The following MCM5 variants were observed in gnomAD, a reference collection of about 807,000 sequenced individuals.
The protein encoded by MCM5 is DNA replication licensing factor MCM5.
A neutral mutation model predicts 79.9 loss-of-function variants in MCM5; 46 were observed. The ratio of observed to expected loss-of-function variants is 0.58; its 90% CI spans 0.45 to 0.74. The LOEUF is 0.74. Ranked by LOEUF, MCM5 falls within the 30% of genes least tolerant of loss-of-function variation. The pLI, the probability that MCM5 is intolerant of heterozygous loss-of-function variation, is 0.00. For missense variants in MCM5, 883 were observed against 1,017.0 expected (o/e 0.87, Z 1.79); for synonymous variants, 404 against 390.5 (o/e 1.03, Z -0.41).
the MCM5 span, among the ~76,000 whole-genome samples, chr22:35,435,547 T>A: frequency 6.6e-6 from 1 of 151,856 alleles, no homozygotes; most frequent in Non-Finnish European, 1.5e-5. Flanking sequence ...TCTCGGGGAG[T>A]CTGGCTTATT....
At chr22:35,426,758 C>T (rs548133195), downstream of MCM5, among the ~76,000 whole-genome samples, 20 of 152,284 alleles carry the variant, frequency 1.3e-4, no homozygotes, top group African/African-American at 4.3e-4. Flanking sequence ...TTCCCTGCCT[C>T]ACAGCCTCTG....
intron 2 of MCM5, among the ~76,000 whole-genome samples, chr22:35,402,784 T>C (rs908788364): frequency 2.0e-5 from 3 of 152,170 alleles, no homozygotes; most frequent in African/African-American, 7.2e-5. Context: ...CCTCAAGTAA[T>C]CCACCCTCCT....
chr22:35,428,239 T>G (rs1434555116), downstream of MCM5, among the ~76,000 whole-genome samples: 7 of 151,756 alleles, frequency 4.6e-5, no homozygotes, highest in Admixed American at 4.6e-4. Flanking sequence ...CTAGGCTGGT[T>G]TCAAACTCCT....
At chr22:35,401,800 C>A in intron 2 of MCM5, 1 of 438,996 alleles carries the variant, frequency 2.3e-6, no homozygotes, top group South Asian at 1.6e-5. Flanking sequence ...GTGGTCATTT[C>A]CTCCACAGAG....
In MCM5 at chr22:35,410,728, T is replaced by C. The variant is rs1219232383; in HGVS notation, c.753-16T>C. ...GAATCTCAGCTTTTCTCCTTTCTCC[T>C]CTACCCTCCTCTCAGGTACCTGTGT... On this transcript the variant is annotated splice_polypyrimidine_tract_variant and intron_variant, in intron 6 of 16. Coordinates refer to ENST00000216122, the MANE Select transcript of MCM5 (RefSeq NM_006739.4). 1.2e-6 allele frequency: 2 copies of C among 1,613,106 alleles called. No individual in the cohort carries two copies. The highest frequency in any genetic ancestry group is 1.1e-5 in the South Asian group (1 of 91,034).
downstream of MCM5, among the ~76,000 whole-genome samples, chr22:35,429,421 C>G (rs1387358874): frequency 6.6e-6 from 1 of 152,168 alleles, no homozygotes. Context: ...CACCAAGGGT[C>G]GTCTTCTTAG....
chr22:35,412,491 G>A lies in MCM5; in HGVS notation c.920-19G>A, dbSNP rs201108808. 758 of 1,518,528 alleles carry A rather than the reference G, an allele frequency of 5.0e-4. 6 individuals are homozygous for A. The highest frequency in any genetic ancestry group is 6.9e-4 in the South Asian group (54 of 77,752). The allele number at this position is 1,518,528 out of a possible 1,614,324, so 94.1% of individuals were successfully genotyped here. ...AGAGCTCCCTTGTACTCACTCATGCGCCTGCTTTGCCTACCAAGGCCGCAG... is the reference window on the plus strand; with the variant it reads ...AGAGCTCCCTTGTACTCACTCATGCACCTGCTTTGCCTACCAAGGCCGCAG... On this transcript the variant is annotated intron_variant, in intron 7 of 16. Transcript: ENST00000216122.
chr22:35,424,269 A>T lies in MCM5; in HGVS notation c.*14A>T. On this transcript the variant is annotated 3_prime_UTR_variant, in exon 17 of 17. Coordinates refer to ENST00000216122, the MANE Select transcript of MCM5 (RefSeq NM_006739.4). ...CGCCTCAAGTGAGTCGCGCCGCCTC[A>T]CTGGACTCATGGACTCGCCCACGCC... The T allele has an allele frequency of 1.3e-6, 2 of 1,530,072 alleles. No individual in the cohort carries two copies. Among genetic ancestry groups the T allele is most frequent in the Non-Finnish European group, 8.8e-7 (1 of 1,132,380 alleles). The allele number at this position is 1,530,072 out of a possible 1,614,324, so 94.8% of individuals were successfully genotyped here.
In MCM5 at chr22:35,412,694, G is replaced by T; in HGVS notation, c.1091+13G>T. On this transcript the variant is annotated intron_variant, in intron 8 of 16. Coordinates refer to ENST00000216122, the MANE Select transcript of MCM5 (RefSeq NM_006739.4). ...GCTCCCGAAAGAGGTAGGGGCTTGA[G>T]TTCCCTTGGGTTTGGGGAGGCGGCT... 1 of 1,437,344 alleles carries T rather than the reference G, an allele frequency of 7.0e-7. No homozygotes were observed. The highest frequency in any genetic ancestry group is 1.5e-5 in the African/African-American group (1 of 68,858). The allele number at this position is 1,437,344 out of a possible 1,614,324, so 89.0% of individuals were successfully genotyped here. A position where few individuals can be genotyped will look rare whatever the true frequency, so the allele number is the denominator to read the frequency against.
rs755288116 is a variant in MCM5 at position 35,403,189 on chromosome 22, G to T, written c.168-18G>T. 1 of 1,613,776 alleles carries T rather than the reference G, an allele frequency of 6.2e-7. No individual in the cohort carries two copies. Among genetic ancestry groups the T allele is most frequent in the East Asian group, 2.2e-5 (1 of 44,876 alleles). ...CTTTGCACCCTTCCTGCCCCACCCT[G>T]CTATGTGCCCACTCCAGGGATGAAC... On this transcript the variant is annotated intron_variant, in intron 2 of 16. Coordinates refer to ENST00000216122, the MANE Select transcript of MCM5 (RefSeq NM_006739.4).
chr22:35,440,594 G>A, the MCM5 span, among the ~76,000 whole-genome samples: 1 of 152,224 alleles, frequency 6.6e-6, no homozygotes, highest in Non-Finnish European at 1.5e-5. Flanking sequence ...CAGGATATAA[G>A]GAAGAACAGT....
chr22:35,406,305 C>T (rs573828931), intron 4 of MCM5, among the ~76,000 whole-genome samples: 1 of 144,988 alleles, frequency 6.9e-6, no homozygotes, highest in East Asian at 2.0e-4. Context: ...CACCTCCCCC[C>T]CCAATTGTGC....
At chr22:35,421,635 G>T in intron 15 of MCM5, 175 bp downstream of exon 15, 1 of 809,424 alleles carries the variant, frequency 1.2e-6, no homozygotes, top group East Asian at 2.7e-5. Context: ...TCTCCCCACC[G>T]CTGTTTCCTC....
At chr22:35,410,606 G>A in intron 6 of MCM5, 138 bp from the exon 7 acceptor site, 1 of 810,938 alleles carries the variant, frequency 1.2e-6, no homozygotes, top group Non-Finnish European at 2.2e-6. Flanking sequence ...CCGTGGGGCT[G>A]GAGCCAGCTC....
At chr22:35,415,358 C>G (rs1438192809) in intron 9 of MCM5, among the ~76,000 whole-genome samples, 1 of 152,186 alleles carries the variant, frequency 6.6e-6, no homozygotes, top group Non-Finnish European at 1.5e-5. Context: ...GCGTATTTTG[C>G]ACGATTAAGG....
the MCM5 span, among the ~76,000 whole-genome samples, chr22:35,436,248 T>G: frequency 1.3e-5 from 2 of 151,166 alleles, no homozygotes; most frequent in Non-Finnish European, 2.9e-5. Flanking sequence ...TTGGGACCCC[T>G]GCCCTCCCCG....
intron 2 of MCM5, chr22:35,401,672 A>C (rs1222589234): frequency 2.1e-6 from 1 of 471,036 alleles, no homozygotes; most frequent in East Asian, 6.9e-5. Flanking sequence ...GCAGCAGCTG[A>C]TATTGCCCAC....
Position 35,419,912 on chromosome 22 carries a change from G to A in MCM5, c.1732G>A (p.Ala578Thr). The A allele has an allele frequency of 1.2e-6, 2 of 1,613,156 alleles. No homozygotes were observed. Among genetic ancestry groups the A allele is most frequent in the Non-Finnish European group, 1.7e-6 (2 of 1,179,612 alleles). ...GTGTGGCCCCCGGCTGTCAGCAGAG[G>A]CTGCAGAGAAACTGAAGAACCGCTA... ...VKCGPRLSAE[A>T]AEKLKNRYII... The change falls in exon 14 of 17, where the codon GCT (alanine) becomes ACT (threonine). Residue 578 changes from alanine (A) to threonine (T), a missense_variant. Ala to Thr is a moderately conservative substitution (Grantham distance 58, BLOSUM62 0). This residue lies in a region of MCM5 where 426 missense variants were observed against 482.3 expected (regional missense o/e 0.88). Coordinates refer to ENST00000216122, the MANE Select transcript of MCM5 (RefSeq NM_006739.4).
the MCM5 span, among the ~76,000 whole-genome samples, chr22:35,453,654 CAG>C: frequency 8.6e-4 from 129 of 150,594 alleles, 1 homozygote; most frequent in African/African-American, 2.8e-3. Context: ...TATACAGAAA[CAG>C]AGACAGGGCA....
Sources: allele counts gnomAD v4.1 joint callset (sites outside exome capture counted in the v4.1 genomes callset), GRCh38; gene constraint gnomAD v4.1.1; regional missense constraint gnomAD v4.1.1; transcripts MANE v1.5; gene names NCBI Gene and HGNC (gene_info 2026-07-23, HGNC 2026-07-21).